CIT: variants seen among roughly 807,000 people sequenced by gnomAD.
CIT encodes citron Rho-interacting kinase.
In CIT, 79 loss-of-function variants were observed where a neutral mutation model predicts 272.7. That is an observed-to-expected ratio of 0.29 (90% CI 0.24 to 0.35). CIT has a LOEUF of 0.35. Ranked by LOEUF, CIT falls within the 10% of genes least tolerant of loss-of-function variation. CIT has a pLI of 1.00. For missense variants in CIT, 1,909 were observed against 2,618.3 expected, an observed-to-expected ratio of 0.73 and a Z score of 5.91; for synonymous variants, 948 against 995.6, an observed-to-expected ratio of 0.95 and a Z score of 0.90.
intron 2 of CIT, among the ~76,000 whole-genome samples, chr12:119,871,073 C>T (rs1027317004): frequency 1.2e-4 from 18 of 150,472 alleles, no homozygotes; most frequent in Non-Finnish European, 1.8e-4. Context: ...GAGCAGAGAT[C>T]GTGCCACTGC....
At chr12:119,738,559 T>A (rs1257172946) in intron 24 of CIT, among the ~76,000 whole-genome samples, 1 of 151,688 alleles carries the variant, frequency 6.6e-6, no homozygotes, top group East Asian at 1.9e-4. Flanking sequence ...ATGAGAGGTC[T>A]TGGTACAGTT....
chr12:119,723,503 G>T (rs1957915393), intron 28 of CIT, among the ~76,000 whole-genome samples: 1 of 152,010 alleles, frequency 6.6e-6, no homozygotes, highest in Non-Finnish European at 1.5e-5. Context: ...GTATATTCAT[G>T]GGCCAGTGTT....
chr12:119,785,915 A>T (rs557236974), intron 10 of CIT, among the ~76,000 whole-genome samples: 2 of 152,294 alleles, frequency 1.3e-5, no homozygotes, highest in South Asian at 4.1e-4. Flanking sequence ...ACTGTAAAAT[A>T]ATAAATGTGT....
intron 5 of CIT, among the ~76,000 whole-genome samples, chr12:119,846,781 T>A (rs1969834820): frequency 6.6e-6 from 1 of 151,988 alleles, no homozygotes; most frequent in Non-Finnish European, 1.5e-5. Flanking sequence ...GGTTTGTACC[T>A]GTTGTCCCAG....
intron 3 of CIT, 28 bp downstream of exon 3, chr12:119,869,032 T>C (rs1392384053): frequency 6.2e-7 from 1 of 1,609,026 alleles, no homozygotes; most frequent in Admixed American, 1.7e-5. Flanking sequence ...CTCAGGACAG[T>C]TTTCAAGAAA....
rs375445431 is a variant in CIT at position 119,787,582 on chromosome 12, T to A, written c.1296-2517A>T. On this transcript the variant is annotated intron_variant, in intron 10 of 47. Transcript: ENST00000392521. ...TCGTCTCTACTAAAAATACAAAAAA[T>A]TAGCCAGGCCTGGTGGTGGGCGCCT... 4.0e-5 allele frequency among the ~76,000 whole-genome samples: 6 copies of A among 151,348 alleles called. No individual in the cohort carries two copies. In the South Asian group the frequency reaches 1.3e-3, roughly 32 times the overall value.
Position 119,833,972 on chromosome 12 carries a change from T to C in CIT, c.659+114A>G, listed in dbSNP as rs1406780135. On this transcript the variant is annotated intron_variant, in intron 6 of 47. Coordinates refer to ENST00000392521, the MANE Select transcript of CIT (RefSeq NM_001206999.2). ...AGTTATTGGTAGACTGGCTAAAAAC[T>C]GGATGGGGCGTTATCTTGATCTTGA... 6 of 1,125,776 alleles carry C rather than the reference T, an allele frequency of 5.3e-6. No homozygotes were observed. The East Asian group carries it at 1.5e-4, about 28-fold the overall frequency. 69.7% of individuals were successfully genotyped at this position (1,125,776 alleles called of 1,614,324 possible). A position where few individuals can be genotyped will look rare whatever the true frequency, so the allele number is the denominator to read the frequency against.
chr12:119,867,995 G>A (rs1950562100), intron 3 of CIT, among the ~76,000 whole-genome samples: 1 of 152,194 alleles, frequency 6.6e-6, no homozygotes, highest in Non-Finnish European at 1.5e-5. Context: ...TTGGGAGGCT[G>A]AGGCAGGAAG....
intron 3 of CIT, 107 bp from the exon 4 acceptor site, chr12:119,857,805 C>T (rs1593976260): frequency 1.0e-6 from 1 of 964,120 alleles, no homozygotes; most frequent in Non-Finnish European, 1.5e-6. Context: ...GCTTCCCTCA[C>T]TGTCAAAGAC....
chr12:119,752,320 G>T (rs918978030), intron 22 of CIT, 73 bp from the exon 23 acceptor site: 2 of 1,364,340 alleles, frequency 1.5e-6, no homozygotes, highest in Non-Finnish European at 2.0e-6. Context: ...GTGAAGACAT[G>T]ACCTGCTACT....
intron 9 of CIT, among the ~76,000 whole-genome samples, chr12:119,819,810 A>G (rs771750594): frequency 6.6e-6 from 1 of 152,256 alleles, no homozygotes. Context: ...ACAGTTACCT[A>G]GTTAGAAAAT....
intron 28 of CIT, among the ~76,000 whole-genome samples, chr12:119,725,341 G>A (rs1230781722): frequency 6.6e-6 from 1 of 151,996 alleles, no homozygotes. Flanking sequence ...CAGGAGAATT[G>A]CTTGACCCTC....
rs932678249 is a variant in CIT, at chr12:119,780,500, C to T, written c.1665+2018G>A. Among the ~76,000 whole-genome samples, 3 of 151,972 alleles carry T rather than the reference C, an allele frequency of 2.0e-5. No individual in the cohort carries two copies. In the East Asian group the frequency reaches 5.8e-4, roughly 29 times the overall value. On this transcript the variant is annotated intron_variant, in intron 13 of 47. Transcript: ENST00000392521. Reference sequence around the variant, plus strand: ...GGTGTGGCGGCGTGCACCTGTAGTCCCAGCTACTCAGGAGGCTGAGGCAGG... The same window carrying T: ...GGTGTGGCGGCGTGCACCTGTAGTCTCAGCTACTCAGGAGGCTGAGGCAGG...
At position 119,712,596 on chromosome 12, in the gene CIT, T is replaced by C. The variant is rs750582741; in HGVS notation, c.4679A>G (p.Lys1560Arg). The C allele has an allele frequency of 6.2e-7, 1 of 1,614,100 alleles. No individual in the cohort carries two copies. The highest frequency in any genetic ancestry group is 8.5e-7 in the Non-Finnish European group (1 of 1,179,954). Residue 1560 changes from lysine to arginine, a missense_variant, in exon 36 of 48, where the codon AAA becomes AGA. Coordinates refer to ENST00000392521, the MANE Select transcript of CIT (RefSeq NM_001206999.2). This position sits in a 1 kb window ranked among gnomAD's most constrained non-coding sequence, Gnocchi z 5.2. ...VGASELANTAKADVPYILKME... is the reference protein window; with the variant it reads ...VGASELANTARADVPYILKME... ...CTCCTCCGGCTCCTCCTCACCTGCT[T>C]TGGCTGTATTTGCGAGTTCGGAAGC...
intron 22 of CIT, among the ~76,000 whole-genome samples, chr12:119,757,050 G>A (rs536709347): frequency 6.6e-6 from 1 of 151,830 alleles, no homozygotes; most frequent in Admixed American, 6.6e-5. Context: ...AACCCAGGAG[G>A]CGGAGGCTGC....
At chr12:119,831,268 C>A (rs1228870496) in intron 7 of CIT, among the ~76,000 whole-genome samples, 1 of 152,052 alleles carries the variant, frequency 6.6e-6, no homozygotes, top group African/African-American at 2.4e-5. Context: ...CTAAATTGTA[C>A]ATAATTTTTA....
intron 23 of CIT, among the ~76,000 whole-genome samples, chr12:119,747,500 C>T (rs1200193360): frequency 6.6e-6 from 1 of 150,730 alleles, no homozygotes; most frequent in Non-Finnish European, 1.5e-5. Flanking sequence ...GCGGGTGGAT[C>T]ACAAGGTCAA....
chr12:119,827,383 G>A lies in CIT; in HGVS notation c.754-2015C>T, dbSNP rs141148226. Among the ~76,000 whole-genome samples the A allele has an allele frequency of 2.8e-3, 424 of 152,208 alleles. 1 individual carries two copies. The highest frequency in any genetic ancestry group is 4.9e-3 in the Admixed American group (75 of 15,296). On this transcript the variant is annotated intron_variant, in intron 7 of 47. Coordinates refer to ENST00000392521, the MANE Select transcript of CIT (RefSeq NM_001206999.2). ...ATGTATGTAAATGTTAAAGAGCTCA[G>A]CACAGGTTAGGGTTAAACTAAAGGG...
chr12:119,711,038 C>T (rs771899037), intron 37 of CIT: 1 of 1,367,604 alleles, frequency 7.3e-7, no homozygotes, highest in Non-Finnish European at 9.8e-7. Context: ...CACGCCTCTG[C>T]ATCTCTTTAC....
Sources: gnomAD v4.1 joint callset for allele counts (sites outside exome capture counted in the v4.1 genomes callset) on GRCh38, gnomAD v4.1.1 for gene constraint, Gnocchi (gnomAD v3.1) non-coding constraint, MANE v1.5 for transcripts, NCBI Gene and HGNC (gene_info 2026-07-23, HGNC 2026-07-21) for gene names.